H1-8: variants seen among roughly 807,000 people sequenced by gnomAD.
The protein encoded by H1-8 is H1.8 linker histone.
Under a neutral mutation model 19.5 loss-of-function variants are expected in H1-8, and 13 were observed. That is an observed-to-expected ratio of 0.67 (90% confidence interval 0.43 to 1.06). The LOEUF (loss-of-function observed/expected upper bound fraction) is 1.06. Ranked by LOEUF, H1-8 falls within the 50% of genes least tolerant of loss-of-function variation. The pLI is 0.00. For synonymous variants in H1-8, 193 were observed against 187.6 expected (o/e 1.03, Z -0.24); for missense variants, 432 against 459.8 (o/e 0.94, Z 0.55).
chr3:129,548,487 G>A (rs1171454285), intron 2 of H1-8: 2 of 988,256 alleles, frequency 2.0e-6, no homozygotes, highest in African/African-American at 3.5e-5. Context: ...GTAGTTTCTA[G>A]TCTTGGTGAT....
intron 2 of H1-8, 51 bp downstream of exon 2, chr3:129,547,731 G>C (rs1480865752): frequency 6.9e-7 from 1 of 1,450,340 alleles, no homozygotes; most frequent in African/African-American, 1.4e-5. Context: ...AATGGTCCTG[G>C]CCTCTGTGAG....
rs535757246 is a variant in H1-8, at chr3:129,544,736, C to T, written c.88+1430C>T. Among the ~76,000 whole-genome samples, 17 of 152,064 alleles carry T rather than the reference C, an allele frequency of 1.1e-4. 1 individual carries two copies. Among genetic ancestry groups the T allele is most frequent in the African/African-American group, 3.4e-4 (14 of 41,466 alleles). ...AAGCAGAGGAGGGGTTGGAGCTGCT[C>T]GTGAAGTCAGGCCAAGCGAAGACCC... is the stretch of plus-strand genomic sequence containing the variant. On this transcript the variant is annotated intron_variant, in intron 1 of 4. Transcript: ENST00000324382.
intron 4 of H1-8, 57 bp downstream of exon 4, chr3:129,550,866 T>G: frequency 6.8e-7 from 1 of 1,479,550 alleles, no homozygotes; most frequent in Non-Finnish European, 9.3e-7. Context: ...GGCCAGAGCT[T>G]GGGCATCCCA....
chr3:129,546,564 A>T (rs2084890552), intron 1 of H1-8, among the ~76,000 whole-genome samples: 2 of 152,232 alleles, frequency 1.3e-5, no homozygotes, highest in African/African-American at 4.8e-5. Flanking sequence ...TTGTAATACC[A>T]TTAGCACACT....
At position 129,549,212 on chromosome 3, in the gene H1-8, C is replaced by T. The variant is rs773200929; in HGVS notation, c.590C>T (p.Ala197Val). The T allele has an allele frequency of 4.5e-6, 7 of 1,572,538 alleles. No individual in the cohort carries two copies. In the South Asian group the frequency reaches 8.1e-5, roughly 18 times the overall value. ...PPKPGAATEK[A>V]RKQGGAAKDT... ...AAGCCAGGCGCAGCCACAGAGAAGGCTCGCAAGCAAGGCGGCGCGGCCAAG... is the reference window on the plus strand; with the variant it reads ...AAGCCAGGCGCAGCCACAGAGAAGGTTCGCAAGCAAGGCGGCGCGGCCAAG... The change falls in exon 3 of 5, where the codon GCT becomes GTT. Residue 197 changes from alanine to valine, a missense_variant. By Grantham distance (64) the Ala-to-Val change is moderately conservative (BLOSUM62 0). Coordinates refer to ENST00000324382, the MANE Select transcript of H1-8 (RefSeq NM_153833.3).
At chr3:129,546,966 G>T (rs1010135519) in intron 1 of H1-8, among the ~76,000 whole-genome samples, 1 of 152,214 alleles carries the variant, frequency 6.6e-6, no homozygotes, top group Admixed American at 6.5e-5. Flanking sequence ...TTGGGAGGCC[G>T]AGGCGGGTGG....
At chr3:129,545,490 C>CAATG (rs1362477645) in intron 1 of H1-8, among the ~76,000 whole-genome samples, 1 of 152,124 alleles carries the variant, frequency 6.6e-6, no homozygotes, top group Non-Finnish European at 1.5e-5. Context: ...TTAAAGTGTA[C>CAATG]AATGGCTTTT....
chr3:129,547,280 G>C, intron 1 of H1-8, 111 bp from the exon 2 acceptor site: 1 of 1,124,450 alleles, frequency 8.9e-7, no homozygotes, highest in Non-Finnish European at 1.2e-6. Context: ...GTCTTGGGGA[G>C]AGGGGGGCAT....
chr3:129,547,249 G>A, intron 1 of H1-8, 142 bp from the exon 2 acceptor site: 2 of 773,760 alleles, frequency 2.6e-6, no homozygotes, highest in African/African-American at 1.8e-5. Flanking sequence ...CCATCCGGGA[G>A]CTCCCATGCC....
chr3:129,548,476 G>A (rs2084906799), intron 2 of H1-8: 1 of 987,856 alleles, frequency 1.0e-6, no homozygotes, highest in African/African-American at 1.7e-5. Flanking sequence ...GAGGGGTGAA[G>A]GTAGTTTCTA....
intron 2 of H1-8, 115 bp from the exon 3 acceptor site, chr3:129,548,886 T>C: frequency 7.2e-7 from 1 of 1,380,690 alleles, no homozygotes; most frequent in Non-Finnish European, 9.7e-7. Flanking sequence ...TGCCTCTCAC[T>C]GCCTGTGGAG....
intron 2 of H1-8, among the ~76,000 whole-genome samples, 189 bp from the exon 3 acceptor site, chr3:129,548,812 A>G (rs981785220): frequency 2.6e-5 from 4 of 152,028 alleles, no homozygotes; most frequent in Non-Finnish European, 4.4e-5. Flanking sequence ...TGGTTGAGAG[A>G]TCCTGAGATC....
Position 129,549,353 on chromosome 3 carries a change from G to T in H1-8, c.731G>T (p.Arg244Met), listed in dbSNP as rs77338164. Residue 244 changes from arginine to methionine, a missense_variant, in exon 3 of 5, where the codon AGG (arginine) becomes ATG (methionine). Arg to Met is a moderately conservative substitution (Grantham distance 91). Transcript: ENST00000324382. ...AGGAAGGCAAAGGCCAAAGGCAGCA[G>T]GAGCAGCCAAGGTAGTTGTGTGACT... ...LSRKAKAKGS[R>M]SSQGDAEAYR... 2.0e-3 allele frequency: 3,193 copies of T among 1,595,982 alleles called. 52 individuals carry two copies. In the African/African-American group the frequency reaches 0.039, roughly 20 times the overall value.
intron 2 of H1-8, among the ~76,000 whole-genome samples, 163 bp downstream of exon 2, chr3:129,547,843 G>A (rs1381497467): frequency 6.6e-6 from 1 of 152,198 alleles, no homozygotes; most frequent in Non-Finnish European, 1.5e-5. Flanking sequence ...GGCAGGTAGT[G>A]TGCCCTCTCT....
chr3:129,548,682 T>G (rs1043057103), intron 2 of H1-8, among the ~76,000 whole-genome samples: 1 of 150,754 alleles, frequency 6.6e-6, no homozygotes, highest in Non-Finnish European at 1.5e-5. Flanking sequence ...CATGTTCTGC[T>G]GAGCGTCAAG....
chr3:129,550,123 T>C (rs1246918966), intron 3 of H1-8, among the ~76,000 whole-genome samples: 2 of 152,170 alleles, frequency 1.3e-5, no homozygotes, highest in Non-Finnish European at 2.9e-5. Flanking sequence ...GGGCTAGAGT[T>C]ATTATTTTTT....
intron 2 of H1-8, chr3:129,548,382 A>G (rs1283392537): frequency 1.0e-6 from 1 of 986,232 alleles, no homozygotes. Context: ...CAGAGCCTGG[A>G]CTTGCGTCAC....
Position 129,547,323 on chromosome 3 carries a change from C to T in H1-8, c.89-68C>T, listed in dbSNP as rs963872593. 3.9e-5 allele frequency: 56 copies of T among 1,427,750 alleles called. No individual in the cohort carries two copies. In the South Asian group the frequency reaches 5.7e-4, roughly 14 times the overall value. The allele number at this position is 1,427,750 out of a possible 1,614,324, so 88.4% of individuals were successfully genotyped here. ...TTGCTGGACCCTCACCCACCCCCCA[C>T]GGGCCAGCTGATGCCTGCCACTGAG... On this transcript the variant is annotated intron_variant, in intron 1 of 4. Coordinates refer to ENST00000324382, the MANE Select transcript of H1-8 (RefSeq NM_153833.3).
At chr3:129,546,748 C>A (rs145991825) in intron 1 of H1-8, among the ~76,000 whole-genome samples, 2 of 152,248 alleles carry the variant, frequency 1.3e-5, no homozygotes, top group African/African-American at 2.4e-5. Flanking sequence ...TTCTTTCCCC[C>A]CTTATTTGTG....
Sources: allele counts gnomAD v4.1 joint callset (sites outside exome capture counted in the v4.1 genomes callset), GRCh38; gene constraint gnomAD v4.1.1; transcripts MANE v1.5; gene names NCBI Gene and HGNC (gene_info 2026-07-23, HGNC 2026-07-21).